Variants in C2CD4C observed in about 807,000 individuals in gnomAD.
C2CD4C encodes the protein C2 calcium dependent domain containing 4C.
A neutral mutation model predicts 4.1 loss-of-function variants in C2CD4C; 3 were observed. That is an observed-to-expected ratio of 0.73 (90% CI 0.33 to 1.88). The LOEUF is 1.88. Ranked by LOEUF, C2CD4C falls within the 40% of genes most tolerant of loss-of-function variation. C2CD4C has a pLI of 0.08. For synonymous variants in C2CD4C, 364 were observed against 290.4 expected (o/e 1.25, Z -2.57); for missense variants, 664 against 621.5 (o/e 1.07, Z -0.73).
rs1974004246 is a variant in C2CD4C at position 407,163 on chromosome 19, C to G, written c.1199G>C (p.Ser400Thr). ...LRIKVVNKGS[S>T]LKRDTLLGEK... Reference sequence around the variant, plus strand: ...CCCGAGCAGCGTGTCCCGCTTGAGGCTGCTGCCCTTGTTCACCACCTTGAT... The same window carrying G: ...CCCGAGCAGCGTGTCCCGCTTGAGGGTGCTGCCCTTGTTCACCACCTTGAT... The change falls in exon 2 of 2, where the codon AGC becomes ACC. Residue 400 changes from serine (S) to threonine (T), a missense_variant. Transcript: ENST00000332235. The G allele has an allele frequency of 1.9e-6, 3 of 1,550,124 alleles. No homozygotes were observed. Among genetic ancestry groups the G allele is most frequent in the African/African-American group, 2.7e-5 (2 of 73,054 alleles).
chr19:407,934 T>C lies in C2CD4C; in HGVS notation c.428A>G (p.Lys143Arg). Residue 143 changes from lysine to arginine, a missense_variant, in exon 2 of 2, where the codon AAG becomes AGG. By Grantham distance (26) the Lys-to-Arg change is conservative (BLOSUM62 2). Transcript: ENST00000332235. The part of the protein sequence containing the change: ...QGAMSLPSVP[K>R]AQTSYGFAML... ...GGCGAAGCCGTAGGACGTCTGGGCC[T>C]TGGGCACCGAGGGCAGGGACATGGC... 2 of 1,548,562 alleles carry C rather than the reference T, an allele frequency of 1.3e-6. No homozygotes were observed. The highest frequency in any genetic ancestry group is 1.7e-6 in the Non-Finnish European group (2 of 1,146,298).
rs1974017759 is a variant in C2CD4C, at chr19:407,886, G to C, written c.476C>G (p.Thr159Arg). 6 of 1,549,264 alleles carry C rather than the reference G, an allele frequency of 3.9e-6. No individual in the cohort carries two copies. In the East Asian group the frequency reaches 1.2e-4, roughly 32 times the overall value. The change falls in exon 2 of 2, where the codon ACG (threonine) becomes AGG (arginine). Residue 159 changes from threonine (T) to arginine (R), a missense_variant. Coordinates refer to ENST00000332235, the MANE Select transcript of C2CD4C (RefSeq NM_001136263.2). ...GTGGAACAGAGACTCCTTGCGCCTC[G>C]TGTGGGGGCTCTCAGCCAGCATGGC... Reference protein sequence around the residue: ...GFAMLAESPHTRRKESLFHSE... With the variant: ...GFAMLAESPHRRRKESLFHSE...
In C2CD4C at chr19:408,274, C is replaced by T. The variant is rs769051565; in HGVS notation, c.88G>A (p.Asp30Asn). 10 of 1,515,316 alleles carry T rather than the reference C, an allele frequency of 6.6e-6. No homozygotes were observed. The Admixed American group carries it at 1.6e-4, about 24-fold the overall frequency. The allele number at this position is 1,515,316 out of a possible 1,614,324, so 93.9% of individuals were successfully genotyped here. The change falls in exon 2 of 2, where the codon GAC (aspartate) becomes AAC (asparagine). Residue 30 changes from aspartate (D) to asparagine (N), a missense_variant. Asp to Asn is a conservative substitution (Grantham distance 23). Coordinates refer to ENST00000332235, the MANE Select transcript of C2CD4C (RefSeq NM_001136263.2). ...TACAGGGGCCCCTTGGAGGCCTTGT[C>T]CCCCGCCTCACTCCCCACGCCCCGG... Reference protein sequence around the residue: ...AARGVGSEAGDKASKGPLYSN... With the variant: ...AARGVGSEAGNKASKGPLYSN...
In C2CD4C at chr19:407,196, G is replaced by C; in HGVS notation, c.1166C>G (p.Ala389Gly). 2.6e-6 allele frequency: 4 copies of C among 1,550,250 alleles called. No homozygotes were observed. Among genetic ancestry groups the C allele is most frequent in the Non-Finnish European group, 3.5e-6 (4 of 1,146,882 alleles). Residue 389 changes from alanine to glycine, a missense_variant, in exon 2 of 2, where the codon GCC (alanine) becomes GGC (glycine). Ala to Gly is a moderately conservative substitution (Grantham distance 60). Transcript: ENST00000332235. ...CTTGTTCACCACCTTGATCCTGAGGGCCAGTTTCCGGACGCTGGCGGGCCC... is the reference window on the plus strand; with the variant it reads ...CTTGTTCACCACCTTGATCCTGAGGCCCAGTTTCCGGACGCTGGCGGGCCC... ...GLGPASVRKLALRIKVVNKGS... is the reference protein window; with the variant it reads ...GLGPASVRKLGLRIKVVNKGS...
rs967945688 is a variant in C2CD4C, at chr19:407,736, C to A, written c.626G>T (p.Arg209Leu). 5.9e-6 allele frequency: 9 copies of A among 1,522,254 alleles called. No homozygotes were observed. The African/African-American group carries it at 1.3e-4, about 21-fold the overall frequency. 94.3% of individuals were successfully genotyped at this position (1,522,254 alleles called of 1,614,324 possible). ...EAGGALMSPG[R>L]YFSGGESDTG... ...GTCGCTCTCCCCGCCACTGAAGTAG[C>A]GGCCGGGGCTCATGAGGGCCCCGCC... The change falls in exon 2 of 2, where the codon CGC becomes CTC. Residue 209 changes from arginine (R) to leucine (L), a missense_variant. Coordinates refer to ENST00000332235, the MANE Select transcript of C2CD4C (RefSeq NM_001136263.2).
Position 407,962 on chromosome 19 carries a change from C to T in C2CD4C, c.400G>A (p.Gly134Ser), listed in dbSNP as rs1487624650. 22 of 1,548,988 alleles carry T rather than the reference C, an allele frequency of 1.4e-5. No homozygotes were observed. In the Admixed American group the frequency reaches 2.4e-4, roughly 17 times the overall value. Reference sequence around the variant, plus strand: ...GGCACCGAGGGCAGGGACATGGCACCCTGGGCCTGGGGGTCGGCGTCAGTG... The same window carrying T: ...GGCACCGAGGGCAGGGACATGGCACTCTGGGCCTGGGGGTCGGCGTCAGTG... ...EATDADPQAQ[G>S]AMSLPSVPKA... The change falls in exon 2 of 2, where the codon GGT (glycine) becomes AGT (serine). Residue 134 changes from glycine (G) to serine (S), a missense_variant. Gly to Ser is a moderately conservative substitution (Grantham distance 56). Transcript: ENST00000332235.
intron 1 of C2CD4C, among the ~76,000 whole-genome samples, chr19:408,776 C>G (rs1974042426): frequency 6.6e-6 from 1 of 152,182 alleles, no homozygotes; most frequent in Non-Finnish European, 1.5e-5. Context: ...GGGTGGACCC[C>G]CGGGGTGTCC....
Position 407,544 on chromosome 19 carries a change from C to T in C2CD4C, c.818G>A (p.Ser273Asn). ...LSADDSTPDA[S>N]PGSRRRLTRR... ...GGTCAGGCGGCGCCGGCTCCCGGGG[C>T]TGGCGTCCGGGGTGCTGTCGTCCGC... Residue 273 changes from serine (S) to asparagine (N), a missense_variant, in exon 2 of 2, where the codon AGC (serine) becomes AAC (asparagine). By Grantham distance (46) the Ser-to-Asn change is conservative. Transcript: ENST00000332235. The T allele has an allele frequency of 2.9e-6, 4 of 1,391,192 alleles. No homozygotes were observed. The highest frequency in any genetic ancestry group is 1.7e-5 in the South Asian group (1 of 60,506). 86.2% of individuals were successfully genotyped at this position (1,391,192 alleles called of 1,614,324 possible). A position where few individuals can be genotyped will look rare whatever the true frequency, so the allele number is the denominator to read the frequency against.
chr19:408,528 G>T, intron 1 of C2CD4C, 127 bp from the exon 2 acceptor site: 1 of 625,526 alleles, frequency 1.6e-6, no homozygotes, highest in Non-Finnish European at 2.7e-6. Context: ...TCCCCTGGGG[G>T]CGTCCCGCCC....
chr19:408,005 G>A lies in C2CD4C; in HGVS notation c.357C>T (p.Asp119=). The A allele has an allele frequency of 6.5e-7, 1 of 1,548,736 alleles. No individual in the cohort carries two copies. Among genetic ancestry groups the A allele is most frequent in the South Asian group, 1.2e-5 (1 of 83,998 alleles). The change falls in exon 2 of 2, where the codon GAC becomes GAT. Residue 119 remains aspartate, a synonymous_variant. Coordinates refer to ENST00000332235, the MANE Select transcript of C2CD4C (RefSeq NM_001136263.2). ...RHVIQIESAE[D]WLSEEATDAD... is the part of the protein sequence containing the mutation. Reference sequence around the variant, plus strand: ...CGTCAGTGGCCTCCTCGGACAGCCAGTCCTCGGCACTCTCGATCTGGATCA... The same window carrying A: ...CGTCAGTGGCCTCCTCGGACAGCCAATCCTCGGCACTCTCGATCTGGATCA...
Position 406,170 on chromosome 19 carries a change from GGCGTCAAA to G in C2CD4C, c.*918_*925del, listed in dbSNP as rs1973982367. The G allele has an allele frequency of 6.6e-6, 1 of 152,246 alleles. No individual in the cohort carries two copies. The highest frequency in any genetic ancestry group is 1.5e-5 in the Non-Finnish European group (1 of 68,046). The allele number at this position is 152,246 out of a possible 1,614,324, so 9.4% of individuals were successfully genotyped here. On this transcript the variant is annotated 3_prime_UTR_variant, in exon 2 of 2. Transcript: ENST00000332235. ...GTAGCCACAGCCTATTTACACACGT[GGCGTCAAA>G]GCCACGGCCGTCAATCACTGCGTGT...
chr19:407,373 T>C lies in C2CD4C; in HGVS notation c.989A>G (p.Glu330Gly). 1 of 1,540,760 alleles carries C rather than the reference T, an allele frequency of 6.5e-7. No individual in the cohort carries two copies. The highest frequency in any genetic ancestry group is 8.7e-7 in the Non-Finnish European group (1 of 1,145,846). Reference sequence around the variant, plus strand: ...GTCGCACAGGCGGTCGTAGAGGCCCTCGGCGGCCAGCAGGTGCACCCGCAG... The same window carrying C: ...GTCGCACAGGCGGTCGTAGAGGCCCCCGGCGGCCAGCAGGTGCACCCGCAG... ...ARLRVHLLAAEGLYDRLCDAR... is the reference protein window; with the variant it reads ...ARLRVHLLAAGGLYDRLCDAR... The change falls in exon 2 of 2, where the codon GAG becomes GGG. Residue 330 changes from glutamate (E) to glycine (G), a missense_variant. Physicochemically the swap from Glu to Gly is moderately conservative, Grantham distance 98. Coordinates refer to ENST00000332235, the MANE Select transcript of C2CD4C (RefSeq NM_001136263.2).
In C2CD4C at chr19:406,950, G is replaced by C. The variant is rs757907580; in HGVS notation, c.*146C>G. ...CCCAGGAAACCCTGCGTCAGCTACA[G>C]CATCAGCGCCCAGCCCAGCCTGAGT... On this transcript the variant is annotated 3_prime_UTR_variant, in exon 2 of 2. Coordinates refer to ENST00000332235, the MANE Select transcript of C2CD4C (RefSeq NM_001136263.2). 3.5e-6 allele frequency: 2 copies of C among 577,126 alleles called. No individual in the cohort carries two copies. Among genetic ancestry groups the C allele is most frequent in the South Asian group, 2.2e-5 (1 of 46,016 alleles). 35.8% of individuals were successfully genotyped at this position (577,126 alleles called of 1,614,324 possible). A position where few individuals can be genotyped will look rare whatever the true frequency, so the allele number is the denominator to read the frequency against.
In C2CD4C at chr19:406,902, A is replaced by C. The variant is rs1973999127; in HGVS notation, c.*194T>G. 6 of 557,620 alleles carry C rather than the reference A, an allele frequency of 1.1e-5. No individual in the cohort carries two copies. Among genetic ancestry groups the C allele is most frequent in the Non-Finnish European group, 1.9e-5 (6 of 320,824 alleles). The allele number at this position is 557,620 out of a possible 1,614,324, so 34.5% of individuals were successfully genotyped here. A position where few individuals can be genotyped will look rare whatever the true frequency, so the allele number is the denominator to read the frequency against. On this transcript the variant is annotated 3_prime_UTR_variant, in exon 2 of 2. Transcript: ENST00000332235. Reference sequence around the variant, plus strand: ...AGGAGAAATTAATTCATGAAAAATAATACTCCAGTCAGCATCGGGTGACCC... The same window carrying C: ...AGGAGAAATTAATTCATGAAAAATACTACTCCAGTCAGCATCGGGTGACCC...
In C2CD4C at chr19:406,803, G is replaced by A. The variant is rs1282070178; in HGVS notation, c.*293C>T. On this transcript the variant is annotated 3_prime_UTR_variant, in exon 2 of 2. Coordinates refer to ENST00000332235, the MANE Select transcript of C2CD4C (RefSeq NM_001136263.2). ...CGCGAGGCAGTGTGGAGGGGCAAAG[G>A]GGGACCCTCTGCCCCGCGAAGTGGC... is the stretch of plus-strand genomic sequence containing the variant. 4 of 420,882 alleles carry A rather than the reference G, an allele frequency of 9.5e-6. No individual in the cohort carries two copies. Among genetic ancestry groups the A allele is most frequent in the South Asian group, 3.4e-5 (1 of 29,770 alleles). The allele number at this position is 420,882 out of a possible 1,614,324, so 26.1% of individuals were successfully genotyped here.
chr19:406,817 C>A lies in C2CD4C; in HGVS notation c.*279G>T. 1 of 451,620 alleles carries A rather than the reference C, an allele frequency of 2.2e-6. No individual in the cohort carries two copies. The highest frequency in any genetic ancestry group is 4.0e-6 in the Non-Finnish European group (1 of 252,214). 28.0% of individuals were successfully genotyped at this position (451,620 alleles called of 1,614,324 possible). Reference sequence around the variant, plus strand: ...GAGGGGCAAAGGGGGACCCTCTGCCCCGCGAAGTGGCCCCTTCTCTTCCCC... The same window carrying A: ...GAGGGGCAAAGGGGGACCCTCTGCCACGCGAAGTGGCCCCTTCTCTTCCCC... On this transcript the variant is annotated 3_prime_UTR_variant, in exon 2 of 2. Transcript: ENST00000332235.
chr19:407,174 G>C lies in C2CD4C; in HGVS notation c.1188C>G (p.Asn396Lys). The C allele has an allele frequency of 6.5e-7, 1 of 1,550,246 alleles. No homozygotes were observed. The highest frequency in any genetic ancestry group is 8.7e-7 in the Non-Finnish European group (1 of 1,146,882). The change falls in exon 2 of 2, where the codon AAC (asparagine) becomes AAG (lysine). Residue 396 changes from asparagine to lysine, a missense_variant. Coordinates refer to ENST00000332235, the MANE Select transcript of C2CD4C (RefSeq NM_001136263.2). ...TGTCCCGCTTGAGGCTGCTGCCCTT[G>C]TTCACCACCTTGATCCTGAGGGCCA... ...RKLALRIKVV[N>K]KGSSLKRDTL...
Position 407,286 on chromosome 19 carries a change from C to T in C2CD4C, c.1076G>A (p.Arg359His), listed in dbSNP as rs1974006284. 6.5e-7 allele frequency: 1 copy of T among 1,550,088 alleles called. No homozygotes were observed. The highest frequency in any genetic ancestry group is 8.7e-7 in the Non-Finnish European group (1 of 1,146,858). ...CLVPGKLQKQ[R>H]STIVKNSRRP... ...GCGGCTGTTCTTCACGATGGTGCTG[C>T]GCTGCTTCTGCAGCTTGCCCGGCAC... Residue 359 changes from arginine to histidine, a missense_variant, in exon 2 of 2, where the codon CGC becomes CAC. Arg to His is a conservative substitution (Grantham distance 29). Transcript: ENST00000332235.
rs2145673630 is a variant in C2CD4C at position 407,383 on chromosome 19, G to T, written c.979C>A (p.Leu327Met). ...CGGTCGTAGAGGCCCTCGGCGGCCA[G>T]CAGGTGCACCCGCAGGCGGGCCTGG... ...AGQARLRVHL[L>M]AAEGLYDRLC... Residue 327 changes from leucine to methionine, a missense_variant, in exon 2 of 2, where the codon CTG (leucine) becomes ATG (methionine). Transcript: ENST00000332235. The T allele has an allele frequency of 6.5e-7, 1 of 1,539,118 alleles. No individual in the cohort carries two copies. Among genetic ancestry groups the T allele is most frequent in the African/African-American group, 1.4e-5 (1 of 73,068 alleles).
Sources: allele counts gnomAD v4.1 joint callset (sites outside exome capture counted in the v4.1 genomes callset), GRCh38; gene constraint gnomAD v4.1.1; transcripts MANE v1.5; gene names NCBI Gene and HGNC (gene_info 2026-07-23, HGNC 2026-07-21).